The following ASAP1 variants were observed in gnomAD, a reference collection of about 807,000 sequenced individuals.
The protein encoded by ASAP1 is arf-GAP with SH3 domain, ANK repeat and PH domain-containing protein 1.
In ASAP1, 43 loss-of-function variants were observed where a neutral mutation model predicts 145.2. That is an observed-to-expected ratio of 0.30 (90% confidence interval 0.23 to 0.38). The LOEUF (loss-of-function observed/expected upper bound fraction) is 0.38, where lower values mean the gene tolerates loss of function less well. Ranked by LOEUF, ASAP1 falls within the 10% of genes least tolerant of loss-of-function variation. The pLI is 1.00. For missense variants in ASAP1, 1,018 were observed against 1,355.3 expected, an observed-to-expected ratio of 0.75 and a Z score of 3.91; for synonymous variants, 546 against 515.5, an observed-to-expected ratio of 1.06 and a Z score of -0.80.
intron 3 of ASAP1, among the ~76,000 whole-genome samples, chr8:130,245,080 C>G (rs573247034): frequency 6.6e-6 from 1 of 152,106 alleles, no homozygotes; most frequent in Non-Finnish European, 1.5e-5. Context: ...GAAGAGGGAC[C>G]TGGCAGCCGC....
chr8:130,143,643 G>C (rs2097618834), intron 13 of ASAP1, among the ~76,000 whole-genome samples: 1 of 152,142 alleles, frequency 6.6e-6, no homozygotes, highest in African/African-American at 2.4e-5. Flanking sequence ...TGACATAACA[G>C]AAAGTGGCTG....
intron 4 of ASAP1, among the ~76,000 whole-genome samples, chr8:130,219,530 G>A (rs1335281471): frequency 6.6e-6 from 1 of 152,162 alleles, no homozygotes; most frequent in Non-Finnish European, 1.5e-5. Context: ...GGACTGATAA[G>A]GCAGAAAATG....
chr8:130,219,558 G>C (rs1817162873), intron 4 of ASAP1, among the ~76,000 whole-genome samples: 1 of 152,182 alleles, frequency 6.6e-6, no homozygotes, highest in Admixed American at 6.5e-5. Flanking sequence ...CACTTCAAGA[G>C]GTTTCAGAGA....
intron 24 of ASAP1, among the ~76,000 whole-genome samples, chr8:130,096,097 T>G (rs1478159419): frequency 6.6e-6 from 1 of 152,070 alleles, no homozygotes; most frequent in African/African-American, 2.4e-5. Context: ...TAGTAGAAGC[T>G]ACAGAAAGGA....
At chr8:130,438,923 A>G (rs1227390351) in intron 1 of ASAP1, among the ~76,000 whole-genome samples, 1 of 152,184 alleles carries the variant, frequency 6.6e-6, no homozygotes, top group African/African-American at 2.4e-5. Flanking sequence ...CCAGGCTGCA[A>G]AGATATCCTC....
At chr8:130,416,193 G>T (rs1446756236) in intron 1 of ASAP1, among the ~76,000 whole-genome samples, 1 of 152,092 alleles carries the variant, frequency 6.6e-6, no homozygotes, top group African/African-American at 2.4e-5. Flanking sequence ...GCCAACTCCG[G>T]AGGACAAGCC....
At chr8:130,130,403 G>T (rs2097581212) in intron 15 of ASAP1, among the ~76,000 whole-genome samples, 1 of 152,052 alleles carries the variant, frequency 6.6e-6, no homozygotes, top group African/African-American at 2.4e-5. Context: ...AATAAATAAA[G>T]AAGTTTGTCA....
chr8:130,083,371 TTA>T (rs1345520675), intron 25 of ASAP1: 1 of 152,238 alleles, frequency 6.6e-6, no homozygotes, highest in Non-Finnish European at 1.5e-5. Flanking sequence ...AAGAACACCT[TTA>T]GAGTCACTTT....
intron 29 of ASAP1, among the ~76,000 whole-genome samples, chr8:130,057,670 G>A (rs921396722): frequency 2.0e-5 from 3 of 152,092 alleles, no homozygotes; most frequent in African/African-American, 7.2e-5. Context: ...GGCTGGTCTC[G>A]AACTCCCGAC....
intron 3 of ASAP1, among the ~76,000 whole-genome samples, chr8:130,266,982 A>G (rs919408746): frequency 1.3e-5 from 2 of 151,972 alleles, no homozygotes; most frequent in African/African-American, 4.8e-5. Context: ...CATAGAAGAT[A>G]GAATGAGAAA....
At chr8:130,139,983 C>G (rs1427992893) in intron 13 of ASAP1, among the ~76,000 whole-genome samples, 1 of 149,180 alleles carries the variant, frequency 6.7e-6, no homozygotes, top group Non-Finnish European at 1.5e-5. Flanking sequence ...TGCATTCAGG[C>G]AAGTTAAACA....
chr8:130,361,939 C>T (rs1196190951), intron 2 of ASAP1, among the ~76,000 whole-genome samples: 2 of 152,068 alleles, frequency 1.3e-5, no homozygotes, highest in Non-Finnish European at 2.9e-5. Flanking sequence ...CTGTTGTCGC[C>T]ATTATAATAA....
chr8:130,168,556 C>T (rs2097684887), intron 10 of ASAP1, among the ~76,000 whole-genome samples: 1 of 152,192 alleles, frequency 6.6e-6, no homozygotes, highest in African/African-American at 2.4e-5. Flanking sequence ...TGCCACTGTA[C>T]TCCAGCCTGG....
At chr8:130,404,183 AC>A (rs1828926172) in intron 1 of ASAP1, among the ~76,000 whole-genome samples, 1 of 152,258 alleles carries the variant, frequency 6.6e-6, no homozygotes, top group African/African-American at 2.4e-5. Context: ...GCCCGGCACA[AC>A]AATATTAATA....
chr8:130,360,555 T>G (rs1826663555), intron 2 of ASAP1: 1 of 152,212 alleles, frequency 6.6e-6, no homozygotes, highest in Non-Finnish European at 1.5e-5. Context: ...TAACAAGGGT[T>G]CCAGCTAATT....
chr8:130,110,534 C>T (rs1299887573), intron 24 of ASAP1, among the ~76,000 whole-genome samples: 1 of 152,170 alleles, frequency 6.6e-6, no homozygotes, highest in African/African-American at 2.4e-5. Context: ...CACTACAGAC[C>T]TGCAGCTTGA....
At chr8:130,176,163 CG>C (rs932409208) in intron 9 of ASAP1, among the ~76,000 whole-genome samples, 70 of 152,280 alleles carry the variant, frequency 4.6e-4, no homozygotes, top group African/African-American at 1.5e-3. Context: ...TTCATCCACA[CG>C]GAAGTGTCGT....
intron 2 of ASAP1, among the ~76,000 whole-genome samples, chr8:130,374,820 AAG>A (rs1827405577): frequency 6.6e-6 from 1 of 152,206 alleles, no homozygotes; most frequent in African/African-American, 2.4e-5. Flanking sequence ...TTTTCACACA[AAG>A]AGGATAACAG....
chr8:130,085,141 G>A (rs2097489805), intron 25 of ASAP1, among the ~76,000 whole-genome samples: 1 of 152,208 alleles, frequency 6.6e-6, no homozygotes, highest in African/African-American at 2.4e-5. Flanking sequence ...AGGGCCAGGG[G>A]AGGGGGGAAA....
Sources: allele counts gnomAD v4.1 joint callset (sites outside exome capture counted in the v4.1 genomes callset), GRCh38; gene constraint gnomAD v4.1.1; transcripts MANE v1.5; gene names NCBI Gene and HGNC (gene_info 2026-07-23, HGNC 2026-07-21).